The following ANKRD26 variants were observed in gnomAD, a reference collection of about 807,000 sequenced individuals.
The protein encoded by ANKRD26 is ankyrin repeat domain 26.
In ANKRD26, 141 loss-of-function variants were observed where a neutral mutation model predicts 208.7. That is an observed-to-expected ratio of 0.68 (90% confidence interval 0.59 to 0.78). ANKRD26 has a LOEUF of 0.78. Among genes scored for constraint, ANKRD26 ranks in the 30% least tolerant of loss-of-function variants. The pLI is 0.00. For synonymous variants in ANKRD26, 636 were observed against 660.4 expected, an observed-to-expected ratio of 0.96 and a Z score of 0.57; for missense variants, 1,889 against 1,938.7, an observed-to-expected ratio of 0.97 and a Z score of 0.48.
chr10:27,017,888 G>T, intron 29 of ANKRD26, 96 bp from the exon 30 acceptor site: 1 of 1,143,064 alleles, frequency 8.7e-7, no homozygotes, highest in South Asian at 1.4e-5. Flanking sequence ...AAATTCAGTT[G>T]CAATAAAATG....
At chr10:26,999,209 C>G (rs556329826), downstream of ANKRD26, among the ~76,000 whole-genome samples, 1 of 152,346 alleles carries the variant, frequency 6.6e-6, no homozygotes, top group East Asian at 1.9e-4. Context: ...AGATCCCCAT[C>G]TAGGCCATTG....
At chr10:27,067,428 T>C (rs1039908352) in intron 9 of ANKRD26, 142 bp from the exon 10 acceptor site, 43 of 1,001,674 alleles carry the variant, frequency 4.3e-5, no homozygotes, top group Non-Finnish European at 5.8e-5. Flanking sequence ...ATAGTTTTTT[T>C]TTTTTAAAGA....
intron 1 of ANKRD26, among the ~76,000 whole-genome samples, chr10:27,099,571 G>T (rs1393243845): frequency 1.4e-5 from 2 of 139,870 alleles, no homozygotes; most frequent in African/African-American, 2.6e-5. Flanking sequence ...TTGGGGGGGG[G>T]GGTCTCGCTA....
At chr10:27,028,585 CA>C (rs11294303) in intron 27 of ANKRD26, among the ~76,000 whole-genome samples, 36,481 of 75,830 alleles carry the variant, frequency 0.48, 6,026 homozygotes, top group Middle Eastern at 0.62. Flanking sequence ...GACTCCATCT[CA>C]AAAAAAAAAA....
At chr10:27,018,122 C>G (rs2134978332) in intron 29 of ANKRD26, among the ~76,000 whole-genome samples, 1 of 150,112 alleles carries the variant, frequency 6.7e-6, no homozygotes, top group Non-Finnish European at 1.5e-5. Context: ...TACTACTTCC[C>G]CCATAAACAT....
downstream of ANKRD26, among the ~76,000 whole-genome samples, chr10:26,971,256 A>C (rs894316109): frequency 1.3e-5 from 2 of 151,932 alleles, no homozygotes; most frequent in Non-Finnish European, 2.9e-5. Flanking sequence ...GGTGGTGTGC[A>C]CCTCTCGTCT....
At chr10:26,973,701 T>A (rs1280587785), downstream of ANKRD26, among the ~76,000 whole-genome samples, 1 of 125,622 alleles carries the variant, frequency 8.0e-6, no homozygotes, top group African/African-American at 3.0e-5. Context: ...TCAACTAGGC[T>A]GGAGTGCAGT....
At chr10:26,985,182 G>A (rs1339751310) in intron 3 of ANKRD26, among the ~76,000 whole-genome samples, 1 of 152,148 alleles carries the variant, frequency 6.6e-6, no homozygotes, top group Non-Finnish European at 1.5e-5. Context: ...AGAAGGTCCA[G>A]CCAGAAGGGG....
At chr10:27,045,955 T>A (rs7900343) in intron 18 of ANKRD26, among the ~76,000 whole-genome samples, 17,778 of 152,218 alleles carry the variant, frequency 0.12, 1,463 homozygotes, top group East Asian at 0.28. Context: ...TCTGAGGCTT[T>A]GACATGCAAA....
chr10:26,957,175 A>G, the ANKRD26 span, among the ~76,000 whole-genome samples: 7 of 152,308 alleles, frequency 4.6e-5, no homozygotes, highest in South Asian at 1.5e-3. Flanking sequence ...TGTGAGGCAG[A>G]GGCAGGCAGA....
intron 7 of ANKRD26, among the ~76,000 whole-genome samples, chr10:27,078,207 A>T (rs1401749953): frequency 6.6e-6 from 1 of 152,174 alleles, no homozygotes; most frequent in Non-Finnish European, 1.5e-5. Flanking sequence ...AAAAGCTAAA[A>T]ATAAATGATT....
At chr10:26,951,628 A>T in the ANKRD26 span, among the ~76,000 whole-genome samples, 55 of 152,300 alleles carry the variant, frequency 3.6e-4, no homozygotes, top group Admixed American at 3.3e-3. Context: ...TTAAAATTTT[A>T]AGTAGATACA....
chr10:26,957,308 A>G, the ANKRD26 span, among the ~76,000 whole-genome samples: 10 of 152,156 alleles, frequency 6.6e-5, no homozygotes, highest in Non-Finnish European at 1.2e-4. Context: ...GGATCTCTTG[A>G]ACCTCGGAGG....
At chr10:27,045,632 C>A (rs1311085759) in intron 18 of ANKRD26, among the ~76,000 whole-genome samples, 2 of 152,128 alleles carry the variant, frequency 1.3e-5, no homozygotes, top group Non-Finnish European at 2.9e-5. Flanking sequence ...TACACCTGAT[C>A]TTTTAGTCTT....
downstream of ANKRD26, among the ~76,000 whole-genome samples, chr10:26,991,686 C>G (rs1395895368): frequency 6.6e-6 from 1 of 152,200 alleles, no homozygotes; most frequent in Non-Finnish European, 1.5e-5. Flanking sequence ...GGTGATCCAC[C>G]TGCCTCGCCC....
In ANKRD26 at chr10:27,005,359, G is replaced by A; in HGVS notation, c.*231C>T. The A allele has an allele frequency of 1.6e-6, 2 of 1,237,816 alleles. No individual in the cohort carries two copies. The highest frequency in any genetic ancestry group is 1.9e-5 in the South Asian group (1 of 51,662). The allele number at this position is 1,237,816 out of a possible 1,614,324, so 76.7% of individuals were successfully genotyped here. ...ACTTAGTGGTTTGGCTGTTTAAACA[G>A]CTCACATTTGGGCAGTTTGAGTATG... On this transcript the variant is annotated 3_prime_UTR_variant, in exon 34 of 34. Transcript: ENST00000376087.
intron 9 of ANKRD26, among the ~76,000 whole-genome samples, chr10:27,076,265 GTT>G (rs199989309): frequency 3.5e-5 from 5 of 141,124 alleles, no homozygotes; most frequent in East Asian, 2.0e-4. Context: ...TGTTTGTTTG[GTT>G]TTTTTTTTTT....
intron 23 of ANKRD26, 37 bp downstream of exon 23, chr10:27,037,149 A>G (rs1446770516): frequency 6.3e-7 from 1 of 1,599,978 alleles, no homozygotes; most frequent in Non-Finnish European, 8.6e-7. Context: ...ATACATATAC[A>G]CACATATTTG....
intron 9 of ANKRD26, among the ~76,000 whole-genome samples, chr10:27,068,085 G>A (rs2055332387): frequency 6.6e-6 from 1 of 152,198 alleles, no homozygotes; most frequent in South Asian, 2.1e-4. Flanking sequence ...CATACTATGA[G>A]GTAGACCCAG....
Sources: allele counts gnomAD v4.1 joint callset (sites outside exome capture counted in the v4.1 genomes callset), GRCh38; gene constraint gnomAD v4.1.1; transcripts MANE v1.5; gene names NCBI Gene and HGNC (gene_info 2026-07-23, HGNC 2026-07-21).